The following CAMTA1 variants were observed in gnomAD, a reference collection of about 807,000 sequenced individuals.
The protein encoded by CAMTA1 is calmodulin binding transcription activator 1, also known as calmodulin-binding transcription activator 1.
Under a neutral mutation model 170.9 loss-of-function variants are expected in CAMTA1, and 27 were observed. The observed-to-expected ratio is 0.16, with a 90% CI of 0.12 to 0.22. The LOEUF (loss-of-function observed/expected upper bound fraction) is 0.22. Ranked by LOEUF, CAMTA1 falls within the 10% of genes least tolerant of loss-of-function variation. CAMTA1 has a pLI of 1.00. For synonymous variants in CAMTA1, 833 were observed against 891.5 expected, an observed-to-expected ratio of 0.93 and a Z score of 1.17; for missense variants, 1,619 against 2,217.2, an observed-to-expected ratio of 0.73 and a Z score of 5.42.
At chr1:7,359,155 G>T (rs758672219) in intron 5 of CAMTA1, among the ~76,000 whole-genome samples, 2 of 152,182 alleles carry the variant, frequency 1.3e-5, no homozygotes, top group Non-Finnish European at 2.9e-5. Context: ...TTGCTCTGGC[G>T]ATAAAGCCCT....
intron 6 of CAMTA1, among the ~76,000 whole-genome samples, chr1:7,596,286 C>G (rs2150526506): frequency 6.6e-6 from 1 of 152,360 alleles, no homozygotes; most frequent in East Asian, 1.9e-4. Flanking sequence ...AGCATGCTGG[C>G]TGGGTGACCC....
intron 11 of CAMTA1, among the ~76,000 whole-genome samples, chr1:7,679,269 G>C (rs1027116744): frequency 1.3e-5 from 2 of 152,160 alleles, no homozygotes; most frequent in Admixed American, 6.5e-5. Context: ...TGACTTGGCC[G>C]GCCTCACTAG....
intron 5 of CAMTA1, among the ~76,000 whole-genome samples, chr1:7,275,415 A>G (rs544105938): frequency 6.6e-6 from 1 of 152,146 alleles, no homozygotes; most frequent in East Asian, 1.9e-4. Context: ...TATTAAAATA[A>G]GAATAAAATA....
rs1284071828 is a variant in CAMTA1, at chr1:7,234,670, C to T, written c.303-14821C>T. Reference sequence around the variant, plus strand: ...CCTCCAGTCTTGCTCTGGAGCGAGTCTTGGTCATTACCATCTCTCCAAATG... The same window carrying T: ...CCTCCAGTCTTGCTCTGGAGCGAGTTTTGGTCATTACCATCTCTCCAAATG... On this transcript the variant is annotated intron_variant, in intron 4 of 22. Coordinates refer to ENST00000303635, the MANE Select transcript of CAMTA1 (RefSeq NM_015215.4). The surrounding 1 kb of genome is among the most constrained non-coding windows in gnomAD (Gnocchi z 5.0). 3.9e-5 allele frequency among the ~76,000 whole-genome samples: 6 copies of T among 152,322 alleles called. No homozygotes were observed. The East Asian group carries it at 1.2e-3, about 29-fold the overall frequency.
intron 3 of CAMTA1, among the ~76,000 whole-genome samples, chr1:7,030,850 T>G (rs1383907859): frequency 6.6e-6 from 1 of 151,990 alleles, no homozygotes; most frequent in African/African-American, 2.4e-5. Context: ...TTTTTTTTTT[T>G]TTGAGATGGA....
intron 1 of CAMTA1, among the ~76,000 whole-genome samples, chr1:6,802,742 T>C (rs1246433196): frequency 8.8e-5 from 13 of 147,390 alleles, no homozygotes; most frequent in South Asian, 2.1e-4. Context: ...CTCTCTCTCT[T>C]TTTTTTTTTT....
chr1:7,077,789 C>T (rs186387732), intron 3 of CAMTA1, among the ~76,000 whole-genome samples: 538 of 152,100 alleles, frequency 3.5e-3, no homozygotes, highest in Non-Finnish European at 6.5e-3. Flanking sequence ...GGGCCTGGAG[C>T]GAGGCAAAAT....
At chr1:6,793,157 C>T (rs1176065035) in intron 1 of CAMTA1, among the ~76,000 whole-genome samples, 1 of 152,088 alleles carries the variant, frequency 6.6e-6, no homozygotes, top group Non-Finnish European at 1.5e-5. Context: ...TGAAGCCCAG[C>T]TCTGATTGGT....
chr1:6,988,454 T>C (rs891063222), intron 3 of CAMTA1, among the ~76,000 whole-genome samples: 6 of 152,162 alleles, frequency 3.9e-5, no homozygotes, highest in African/African-American at 1.2e-4. Flanking sequence ...ACCCGAGTAT[T>C]GTACAAAGTG....
intron 3 of CAMTA1, among the ~76,000 whole-genome samples, chr1:7,037,683 TA>T (rs1433106808): frequency 1.3e-5 from 2 of 151,842 alleles, no homozygotes; most frequent in African/African-American, 4.8e-5. Flanking sequence ...ACTAAAAATA[TA>T]AAAACTAGCC....
At chr1:7,409,079 C>T (rs905228634) in intron 5 of CAMTA1, among the ~76,000 whole-genome samples, 4 of 152,204 alleles carry the variant, frequency 2.6e-5, no homozygotes, top group African/African-American at 4.8e-5. Flanking sequence ...GTCGTGACCA[C>T]GGCAGCCTGA....
chr1:6,988,528 G>T (rs1460414086), intron 3 of CAMTA1, among the ~76,000 whole-genome samples: 1 of 152,148 alleles, frequency 6.6e-6, no homozygotes, highest in Non-Finnish European at 1.5e-5. Context: ...TCCCTGAATG[G>T]ATTCTAAACT....
intron 3 of CAMTA1, among the ~76,000 whole-genome samples, chr1:6,995,924 C>T (rs1003239199): frequency 1.3e-5 from 2 of 152,202 alleles, no homozygotes; most frequent in African/African-American, 4.8e-5. Flanking sequence ...GGGGCTGTCT[C>T]TTGCTGCCTG....
intron 3 of CAMTA1, among the ~76,000 whole-genome samples, chr1:6,962,985 C>G (rs1486232646): frequency 6.6e-6 from 1 of 150,954 alleles, no homozygotes; most frequent in Non-Finnish European, 1.5e-5. Context: ...CCCGTCTGGC[C>G]CTGCCCATTC....
intron 11 of CAMTA1, among the ~76,000 whole-genome samples, chr1:7,725,999 C>T (rs544474701): frequency 6.6e-6 from 1 of 152,202 alleles, no homozygotes; most frequent in Non-Finnish European, 1.5e-5. Flanking sequence ...CGGGAACAGG[C>T]AGGTGGGTCA....
intron 6 of CAMTA1, among the ~76,000 whole-genome samples, chr1:7,596,818 C>G (rs1576309048): frequency 6.6e-6 from 1 of 152,360 alleles, no homozygotes; most frequent in Non-Finnish European, 1.5e-5. Context: ...AATCACTCAA[C>G]TTGACATGGC....
At chr1:7,449,270 C>T (rs1213642451) in intron 5 of CAMTA1, among the ~76,000 whole-genome samples, 1 of 152,204 alleles carries the variant, frequency 6.6e-6, no homozygotes, top group Non-Finnish European at 1.5e-5. Flanking sequence ...CGAAGCTGCA[C>T]CCAACGTGGT....
chr1:7,526,084 A>G (rs1385920636), intron 6 of CAMTA1, among the ~76,000 whole-genome samples: 1 of 152,150 alleles, frequency 6.6e-6, no homozygotes, highest in Non-Finnish European at 1.5e-5. Flanking sequence ...TCCATGATAA[A>G]CACAAAATCA....
In CAMTA1 at chr1:7,007,223, C is replaced by T. The variant is rs113488411; in HGVS notation, c.235-84081C>T. On this transcript the variant is annotated intron_variant, in intron 3 of 22. Coordinates refer to ENST00000303635, the MANE Select transcript of CAMTA1 (RefSeq NM_015215.4). This position sits in a 1 kb window ranked among gnomAD's most constrained non-coding sequence, Gnocchi z 4.5. The stretch of plus-strand genomic sequence containing the variant: ...ACATAGGATCTCACGTGGGGAGCAT[C>T]GACCAGGAGAGGGGTCCACATTGTC... Among the ~76,000 whole-genome samples, 307 of 152,150 alleles carry T rather than the reference C, an allele frequency of 2.0e-3. 3 individuals carry two copies. Among genetic ancestry groups the T allele is most frequent in the African/African-American group, 6.9e-3 (287 of 41,510 alleles).
Sources: allele counts gnomAD v4.1 joint callset (sites outside exome capture counted in the v4.1 genomes callset), GRCh38; gene constraint gnomAD v4.1.1; non-coding constraint Gnocchi (gnomAD v3.1); transcripts MANE v1.5; gene names NCBI Gene and HGNC (gene_info 2026-07-23, HGNC 2026-07-21).